ANK3: variants seen among roughly 807,000 people sequenced by gnomAD.
ANK3 encodes the protein ankyrin-3.
ANK3 carries 57 observed loss-of-function variants against 370.9 expected under a neutral mutation model. The ratio of observed to expected loss-of-function variants is 0.15; its 90% confidence interval spans 0.12 to 0.19. The LOEUF is 0.19. Ranked by LOEUF, ANK3 falls within the 10% of genes least tolerant of loss-of-function variation. ANK3 has a pLI of 1.00. For synonymous variants in ANK3, 1,929 were observed against 1,946.3 expected, an observed-to-expected ratio of 0.99 and a Z score of 0.23; for missense variants, 4,439 against 5,302.1, an observed-to-expected ratio of 0.84 and a Z score of 5.06.
intron 1 of ANK3, among the ~76,000 whole-genome samples, chr10:60,337,619 C>T (rs915050379): frequency 1.3e-5 from 2 of 152,154 alleles, no homozygotes; most frequent in African/African-American, 4.8e-5. Context: ...TCAGTGACGT[C>T]TCTTTTATCT....
chr10:60,170,139 C>T (rs2095743394), intron 21 of ANK3, among the ~76,000 whole-genome samples: 2 of 147,348 alleles, frequency 1.4e-5, no homozygotes, highest in Admixed American at 1.4e-4. Flanking sequence ...TTGATAGATA[C>T]AATTCACATC....
At chr10:60,247,364 A>C (rs1204925565) in intron 7 of ANK3, among the ~76,000 whole-genome samples, 2 of 152,134 alleles carry the variant, frequency 1.3e-5, no homozygotes, top group Non-Finnish European at 2.9e-5. Context: ...TTTTAATTTA[A>C]ATTGTGGTAA....
intron 1 of ANK3, among the ~76,000 whole-genome samples, chr10:60,676,616 A>T (rs2079129049): frequency 6.6e-6 from 1 of 152,230 alleles, no homozygotes; most frequent in Non-Finnish European, 1.5e-5. Context: ...ATTAAGGATC[A>T]TTAATCATCA....
At chr10:60,111,443 ATT>A (rs1450844827) in intron 26 of ANK3, among the ~76,000 whole-genome samples, 1 of 152,194 alleles carries the variant, frequency 6.6e-6, no homozygotes, top group African/African-American at 2.4e-5. Context: ...AAATATAGTG[ATT>A]TGTTTTACAA....
At position 60,637,293 on chromosome 10, in the gene ANK3, G is replaced by A. The variant is rs147377546; in HGVS notation, c.58-22069C>T. Among the ~76,000 whole-genome samples the A allele has an allele frequency of 4.1e-3, 626 of 152,152 alleles. 5 individuals carry two copies. Among genetic ancestry groups the A allele is most frequent in the African/African-American group, 0.014 (596 of 41,512 alleles). ...CCATCTCTCTTCATAACTCACTTAT[G>A]AGCCTTTAGGGGAGAAGGTTGTGCT... is the stretch of plus-strand genomic sequence containing the variant. On this transcript the variant is annotated intron_variant, in intron 1 of 43. Coordinates refer to the ANK3 transcript ENST00000373827.
intron 1 of ANK3, among the ~76,000 whole-genome samples, chr10:60,624,600 G>A (rs554681918): frequency 4.1e-4 from 62 of 152,112 alleles, no homozygotes; most frequent in African/African-American, 1.4e-3. Flanking sequence ...CCTGAGGGTC[G>A]CCTTAGGAAC....
chr10:60,167,194 C>T (rs1308062902), intron 21 of ANK3, among the ~76,000 whole-genome samples: 3 of 152,104 alleles, frequency 2.0e-5, no homozygotes, highest in Non-Finnish European at 2.9e-5. Flanking sequence ...CCTCCTACTC[C>T]ACTGCTATAC....
intron 7 of ANK3, among the ~76,000 whole-genome samples, chr10:60,241,212 C>G (rs1397852878): frequency 6.6e-6 from 1 of 151,860 alleles, no homozygotes; most frequent in Non-Finnish European, 1.5e-5. Flanking sequence ...TTAAGTATGG[C>G]TAGAATTAAA....
At chr10:60,533,111 C>G (rs1454929741) in intron 2 of ANK3, among the ~76,000 whole-genome samples, 1 of 152,176 alleles carries the variant, frequency 6.6e-6, no homozygotes, top group Non-Finnish European at 1.5e-5. Flanking sequence ...TTCTCATGAA[C>G]TCAGCTCTTG....
chr10:60,051,792 T>C (rs2078090565), intron 42 of ANK3, among the ~76,000 whole-genome samples: 1 of 150,986 alleles, frequency 6.6e-6, no homozygotes, highest in Non-Finnish European at 1.5e-5. Context: ...TGCATGTGTG[T>C]GTGTGTGTGT....
intron 2 of ANK3, among the ~76,000 whole-genome samples, chr10:60,546,224 C>T (rs569459070): frequency 6.6e-6 from 1 of 152,158 alleles, no homozygotes; most frequent in African/African-American, 2.4e-5. Context: ...TTTGTAGAGA[C>T]AGGGTCTCAC....
chr10:60,583,932 G>A (rs1023792814), intron 2 of ANK3, among the ~76,000 whole-genome samples: 6 of 151,994 alleles, frequency 3.9e-5, no homozygotes, highest in African/African-American at 1.4e-4. Context: ...GATGTTTATG[G>A]TGATGATATG....
At chr10:60,362,788 G>T (rs2058806037) in intron 1 of ANK3, among the ~76,000 whole-genome samples, 1 of 152,072 alleles carries the variant, frequency 6.6e-6, no homozygotes. Flanking sequence ...AGGTACCATG[G>T]GCGGTGATGG....
intron 2 of ANK3, among the ~76,000 whole-genome samples, chr10:60,454,494 T>C (rs1257749027): frequency 6.6e-6 from 1 of 151,938 alleles, no homozygotes; most frequent in African/African-American, 2.4e-5. Context: ...AACCCCAACA[T>C]TGATAGGGAC....
At chr10:60,044,205 G>C (rs1283054198) in intron 42 of ANK3, 18 of 984,214 alleles carry the variant, frequency 1.8e-5, no homozygotes, top group Non-Finnish European at 2.2e-5. Flanking sequence ...AAAAGTAGCA[G>C]AGTTTTTAAT....
chr10:60,528,133 T>C (rs1361038414), intron 2 of ANK3, among the ~76,000 whole-genome samples: 1 of 95,376 alleles, frequency 1.0e-5, no homozygotes, highest in African/African-American at 3.4e-5. Flanking sequence ...CTTTTCTTCT[T>C]CTTCTTTTTT....
chr10:60,290,478 G>A (rs2041094517), intron 1 of ANK3, among the ~76,000 whole-genome samples: 1 of 152,072 alleles, frequency 6.6e-6, no homozygotes, highest in African/African-American at 2.4e-5. Context: ...CAGAAGAGGA[G>A]TAGAGAGGGG....
intron 18 of ANK3, 82 bp downstream of exon 18, chr10:60,181,244 TCTC>T (rs2096175569): frequency 8.6e-7 from 1 of 1,166,070 alleles, no homozygotes; most frequent in African/African-American, 1.5e-5. Flanking sequence ...AAGGGTTTGT[TCTC>T]CTGATACAAT....
intron 2 of ANK3, among the ~76,000 whole-genome samples, chr10:60,487,321 T>C (rs2075374752): frequency 6.6e-6 from 1 of 152,186 alleles, no homozygotes; most frequent in African/African-American, 2.4e-5. Flanking sequence ...AAGTAAGATA[T>C]TTAGGAGTCC....
Sources: gnomAD v4.1 joint callset for allele counts (sites outside exome capture counted in the v4.1 genomes callset) on GRCh38, gnomAD v4.1.1 for gene constraint, MANE v1.5 for transcripts, NCBI Gene and HGNC (gene_info 2026-07-23, HGNC 2026-07-21) for gene names.